MRPS15: variants seen among roughly 807,000 people sequenced by gnomAD.
MRPS15 encodes the protein mitochondrial ribosomal protein S15.
Under a neutral mutation model 30.7 loss-of-function variants are expected in MRPS15, and 25 were observed. The observed-to-expected ratio is 0.81, with a 90% confidence interval of 0.59 to 1.14. The LOEUF is 1.14. Among genes scored for constraint, MRPS15 ranks in the 50% most tolerant of loss-of-function variants. MRPS15 has a pLI of 0.00. For missense variants in MRPS15, 313 were observed against 321.7 expected, an observed-to-expected ratio of 0.97 and a Z score of 0.21; for synonymous variants, 124 against 120.1, an observed-to-expected ratio of 1.03 and a Z score of -0.21.
At chr1:36,459,388 G>A (rs892401306) in intron 5 of MRPS15, 2 of 130,852 alleles carry the variant, frequency 1.5e-5, no homozygotes, top group African/African-American at 6.3e-5. Context: ...GTGACAGAGT[G>A]AGATCCGGTC....
chr1:36,463,187 G>C (rs1301710116), intron 2 of MRPS15, among the ~76,000 whole-genome samples: 3 of 152,122 alleles, frequency 2.0e-5, no homozygotes, highest in African/African-American at 7.2e-5. Flanking sequence ...GGCTGGTCTC[G>C]AACTCCTGAA....
intron 2 of MRPS15, among the ~76,000 whole-genome samples, chr1:36,462,462 T>G (rs755326660): frequency 1.1e-4 from 16 of 152,192 alleles, no homozygotes; most frequent in Non-Finnish European, 2.2e-4. Context: ...CTCCTGTGGA[T>G]AGGACAGAGT....
At chr1:36,456,587 C>T (rs1649999877) in intron 6 of MRPS15, 1 of 539,756 alleles carries the variant, frequency 1.9e-6, no homozygotes, top group African/African-American at 1.9e-5. Context: ...CACAAAAGGT[C>T]TTTAGAACTG....
chr1:36,461,122 G>A lies in MRPS15; in HGVS notation c.300+142C>T, dbSNP rs539506385. The A allele has an allele frequency of 6.0e-6, 5 of 829,772 alleles. No homozygotes were observed. In the South Asian group the frequency reaches 7.4e-5, roughly 12 times the overall value. 51.4% of individuals were successfully genotyped at this position (829,772 alleles called of 1,614,324 possible). On this transcript the variant is annotated intron_variant, in intron 4 of 7. Coordinates refer to ENST00000373116, the MANE Select transcript of MRPS15 (RefSeq NM_031280.4). ...CCTGCCCTGAAGATGCTCTGTCTAG[G>A]GATATTGACAAATGGAGGCAGAATG...
intron 6 of MRPS15, chr1:36,456,583 A>G: frequency 1.8e-6 from 1 of 552,250 alleles, no homozygotes; most frequent in East Asian, 3.3e-5. Context: ...GATTCACAAA[A>G]GGTCTTTAGA....
intron 4 of MRPS15, among the ~76,000 whole-genome samples, 158 bp from the exon 5 acceptor site, chr1:36,460,934 G>T (rs1464929805): frequency 6.6e-6 from 1 of 152,196 alleles, no homozygotes; most frequent in Non-Finnish European, 1.5e-5. Context: ...CCAACCACAT[G>T]GCTATCCACA....
intron 5 of MRPS15, 31 bp downstream of exon 5, chr1:36,460,661 C>T (rs535722332): frequency 4.5e-6 from 7 of 1,567,786 alleles, no homozygotes; most frequent in African/African-American, 4.1e-5. Flanking sequence ...GGCTTCCCTA[C>T]ACCCCCACTC....
intron 3 of MRPS15, 45 bp downstream of exon 3, chr1:36,462,043 C>T: frequency 1.3e-6 from 2 of 1,538,714 alleles, no homozygotes; most frequent in Non-Finnish European, 1.8e-6. Flanking sequence ...CCCGACAATC[C>T]TCCCAGGGCC....
chr1:36,463,897 C>G, intron 1 of MRPS15, 47 bp from the exon 2 acceptor site: 1 of 1,583,416 alleles, frequency 6.3e-7, no homozygotes, highest in Non-Finnish European at 8.6e-7. Context: ...AAATAGCCCA[C>G]CCCTCAGTTC....
intron 5 of MRPS15, among the ~76,000 whole-genome samples, chr1:36,460,169 G>A (rs1180035133): frequency 2.0e-5 from 3 of 152,094 alleles, no homozygotes; most frequent in East Asian, 1.9e-4. Flanking sequence ...CACCATGCCC[G>A]GCTAATTTTT....
Position 36,464,343 on chromosome 1 carries a change from C to G in MRPS15, c.-68G>C. 1 of 1,559,590 alleles carries G rather than the reference C, an allele frequency of 6.4e-7. No homozygotes were observed. Among genetic ancestry groups the G allele is most frequent in the Non-Finnish European group, 8.7e-7 (1 of 1,152,830 alleles). On this transcript the variant is annotated 5_prime_UTR_variant, in exon 1 of 8. An upstream start codon of the reference 5' UTR is lost. Transcript: ENST00000373116. Reference sequence around the variant, plus strand: ...TCGCTTTGCGGCACGGACCGGGTTACATGGGCGCCGCCATGCTGGCCCAGG... The same window carrying G: ...TCGCTTTGCGGCACGGACCGGGTTAGATGGGCGCCGCCATGCTGGCCCAGG...
At position 36,455,843 on chromosome 1, in the gene MRPS15, C is replaced by T; in HGVS notation, c.719G>A (p.Arg240Lys). The change falls in exon 8 of 8, where the codon AGG (arginine) becomes AAG (lysine). Residue 240 changes from arginine to lysine, a missense_variant. By Grantham distance (26) the Arg-to-Lys change is conservative. Transcript: ENST00000373116. ...AAAAQKQAKR[R>K]NPDSPAKAIP... ...GGCTTTGGCAGGGCTGTCTGGGTTC[C>T]TCCGCTTTGCTTGTTTTTGGGCTGC... 2.5e-6 allele frequency: 4 copies of T among 1,614,180 alleles called. No individual in the cohort carries two copies. Among genetic ancestry groups the T allele is most frequent in the Non-Finnish European group, 3.4e-6 (4 of 1,180,034 alleles).
intron 4 of MRPS15, 138 bp from the exon 5 acceptor site, chr1:36,460,914 G>A: frequency 2.7e-6 from 2 of 730,418 alleles, no homozygotes; most frequent in South Asian, 3.5e-5. Flanking sequence ...TCTGCTCACT[G>A]TGGCCTTGAC....
rs763462316 is a variant in MRPS15 at position 36,456,362 on chromosome 1, C to T, written c.461G>A (p.Arg154His). ...CTGGTCAATGCTCATTAGCAGATAG[C>T]GTTTGTGGGCTTTGTCCTGCAAGAG... ...EKHRKDKAHKRYLLMSIDQRK... is the reference protein window; with the variant it reads ...EKHRKDKAHKHYLLMSIDQRK... Residue 154 changes from arginine (R) to histidine (H), a missense_variant, in exon 7 of 8, where the codon CGC (arginine) becomes CAC (histidine). By Grantham distance (29) the Arg-to-His change is conservative. Transcript: ENST00000373116. The T allele has an allele frequency of 8.7e-6, 14 of 1,606,992 alleles. No individual in the cohort carries two copies. Among genetic ancestry groups the T allele is most frequent in the Admixed American group, 3.4e-5 (2 of 59,306 alleles).
chr1:36,464,305 C>G lies in MRPS15; in HGVS notation c.-30G>C. ...ACCTCTAACCCCCGCGGGGCCCGCG[C>G]CGCGGCCGCCGTTCGCTTTGCGGCA... is the stretch of plus-strand genomic sequence containing the variant. On this transcript the variant is annotated 5_prime_UTR_variant, in exon 1 of 8. Coordinates refer to ENST00000373116, the MANE Select transcript of MRPS15 (RefSeq NM_031280.4). The G allele has an allele frequency of 6.3e-7, 1 of 1,589,128 alleles. No individual in the cohort carries two copies. The highest frequency in any genetic ancestry group is 8.6e-7 in the Non-Finnish European group (1 of 1,168,110).
At chr1:36,459,742 AG>A (rs1483483525) in intron 5 of MRPS15, 2 of 152,708 alleles carry the variant, frequency 1.3e-5, no homozygotes, top group Non-Finnish European at 2.9e-5. Flanking sequence ...TGAAGGCAGG[AG>A]GGTGGAAGAG....
In MRPS15 at chr1:36,464,368, G is replaced by A; in HGVS notation, c.-93C>T. On this transcript the variant is annotated 5_prime_UTR_variant, in exon 1 of 8. Transcript: ENST00000373116. The stretch of plus-strand genomic sequence containing the variant: ...CATGGGCGCCGCCATGCTGGCCCAG[G>A]ATCGACCAATCGAGGCAGTTGCAAT... The A allele has an allele frequency of 1.3e-6, 2 of 1,501,036 alleles. No individual in the cohort carries two copies. Among genetic ancestry groups the A allele is most frequent in the Non-Finnish European group, 1.8e-6 (2 of 1,120,946 alleles). 93.0% of individuals were successfully genotyped at this position (1,501,036 alleles called of 1,614,324 possible). A position where few individuals can be genotyped will look rare whatever the true frequency, so the allele number is the denominator to read the frequency against.
chr1:36,456,264 T>C lies in MRPS15; in HGVS notation c.559A>G (p.Ile187Val). 1 of 1,614,144 alleles carries C rather than the reference T, an allele frequency of 6.2e-7. No individual in the cohort carries two copies. Among genetic ancestry groups the C allele is most frequent in the Non-Finnish European group, 8.5e-7 (1 of 1,180,022 alleles). ...VFEKICWGLG[I>V]EYTFPPLYYR... ...TACAGAGGGGGGAAGGTGTACTCAA[T>C]TCCCAGCCCCCAGCATATCTTCTCA... The change falls in exon 7 of 8, where the codon ATT becomes GTT. Residue 187 changes from isoleucine (I) to valine (V), a missense_variant. Transcript: ENST00000373116.
At chr1:36,461,187 C>A in intron 4 of MRPS15, 77 bp downstream of exon 4, 2 of 1,332,050 alleles carry the variant, frequency 1.5e-6, no homozygotes, top group South Asian at 1.2e-5. Context: ...GCATGAGATG[C>A]GGGGTGCTAA....
Sources: allele counts gnomAD v4.1 joint callset (sites outside exome capture counted in the v4.1 genomes callset), GRCh38; gene constraint gnomAD v4.1.1; transcripts MANE v1.5; gene names NCBI Gene and HGNC (gene_info 2026-07-23, HGNC 2026-07-21).